KCNQ1: variants seen among roughly 807,000 people sequenced by gnomAD.
KCNQ1 encodes the protein potassium voltage-gated channel subfamily Q member 1, also known as potassium voltage-gated channel subfamily KQT member 1.
Under a neutral mutation model 72.4 loss-of-function variants are expected in KCNQ1, and 49 were observed. The observed-to-expected ratio is 0.68, with a 90% CI of 0.54 to 0.86. KCNQ1 has a LOEUF of 0.86. KCNQ1 is among the 40% of genes least tolerant of loss of function. KCNQ1 has a pLI of 0.00. For synonymous variants in KCNQ1, 450 were observed against 412.6 expected (o/e 1.09, Z -1.10); for missense variants, 790 against 945.1 (o/e 0.84, Z 2.15).
chr11:2,520,222 C>CT (rs1564804776), intron 1 of KCNQ1, among the ~76,000 whole-genome samples: 1 of 152,240 alleles, frequency 6.6e-6, no homozygotes, highest in Non-Finnish European at 1.5e-5. Flanking sequence ...CAGGGGGCTT[C>CT]TGGGGGGCAG....
chr11:2,614,949 A>G, intron 10 of KCNQ1: 1 of 398,468 alleles, frequency 2.5e-6, no homozygotes, highest in Non-Finnish European at 4.4e-6. Context: ...TGGGATTTTG[A>G]TAAGGGTTGC....
chr11:2,809,080 G>A lies in KCNQ1; in HGVS notation c.1794+31043G>A, dbSNP rs188863396. Among the ~76,000 whole-genome samples, 175 of 152,172 alleles carry A rather than the reference G, an allele frequency of 1.2e-3. No homozygotes were observed. Among genetic ancestry groups the A allele is most frequent in the African/African-American group, 3.5e-3 (147 of 41,498 alleles). ...AGGTGGGTGGGTAGGTGGGTGGCCA[G>A]ACAATGGATGTGTGAGTGAGTAGAT... On this transcript the variant is annotated intron_variant, in intron 15 of 15. Transcript: ENST00000155840. The surrounding 1 kb of genome is among the most constrained non-coding windows in gnomAD (Gnocchi z 7.1).
At position 2,535,652 on chromosome 11, in the gene KCNQ1, G is replaced by C. The variant is rs907455998; in HGVS notation, c.477+7634G>C. Among the ~76,000 whole-genome samples the C allele has an allele frequency of 2.0e-5, 3 of 152,204 alleles. No homozygotes were observed. In the South Asian group the frequency reaches 6.2e-4, roughly 31 times the overall value. On this transcript the variant is annotated intron_variant, in intron 2 of 15. Coordinates refer to ENST00000155840, the MANE Select transcript of KCNQ1 (RefSeq NM_000218.3). ...GAGCCCTGTGGCGTCTCTCTCATGC[G>C]CTGGCCGTAGAGCTTCCTGAAAGCA...
chr11:2,453,112 G>A (rs991823693), intron 1 of KCNQ1, among the ~76,000 whole-genome samples: 1 of 152,230 alleles, frequency 6.6e-6, no homozygotes, highest in African/African-American at 2.4e-5. Flanking sequence ...GGTGGCTCAC[G>A]CCTGTAATCC....
At chr11:2,779,543 C>T (rs1846779810) in intron 15 of KCNQ1, among the ~76,000 whole-genome samples, 1 of 152,120 alleles carries the variant, frequency 6.6e-6, no homozygotes, top group South Asian at 2.1e-4. Context: ...ACAGCACAGG[C>T]TGGGGACAGC....
chr11:2,702,965 C>G (rs1052443394), intron 11 of KCNQ1, among the ~76,000 whole-genome samples: 1 of 152,224 alleles, frequency 6.6e-6, no homozygotes, highest in Non-Finnish European at 1.5e-5. Context: ...CCCGCCTCCT[C>G]TAGTCCTTTG....
intron 11 of KCNQ1, among the ~76,000 whole-genome samples, chr11:2,756,589 G>T (rs1846302197): frequency 6.6e-6 from 1 of 152,042 alleles, no homozygotes; most frequent in Non-Finnish European, 1.5e-5. Context: ...GGGTGGAGCT[G>T]TCAGGGTCCA....
At position 2,579,167 on chromosome 11, in the gene KCNQ1, C is replaced by G. The variant is rs1022710277; in HGVS notation, c.922-4268C>G. Among the ~76,000 whole-genome samples, 2 of 152,170 alleles carry G rather than the reference C, an allele frequency of 1.3e-5. No individual in the cohort carries two copies. The highest frequency in any genetic ancestry group is 2.9e-5 in the Non-Finnish European group (2 of 68,012). On this transcript the variant is annotated intron_variant, in intron 6 of 15. Transcript: ENST00000155840. This position sits in a 1 kb window ranked among gnomAD's most constrained non-coding sequence, Gnocchi z 6.0. ...TGCGGCTGGAGCTCAGGTTTCTGGGCTGGCCTCTGTCCTCCCCTCGAGGCC... is the reference window on the plus strand; with the variant it reads ...TGCGGCTGGAGCTCAGGTTTCTGGGGTGGCCTCTGTCCTCCCCTCGAGGCC...
At chr11:2,701,853 G>A (rs1430280064) in intron 11 of KCNQ1, among the ~76,000 whole-genome samples, 1 of 152,244 alleles carries the variant, frequency 6.6e-6, no homozygotes, top group Non-Finnish European at 1.5e-5. Flanking sequence ...ACTCTGCAAT[G>A]CAGAGATACC....
At position 2,524,706 on chromosome 11, in the gene KCNQ1, G is replaced by A. The variant is rs372771952; in HGVS notation, c.387-3222G>A. On this transcript the variant is annotated intron_variant, in intron 1 of 15. Coordinates refer to ENST00000155840, the MANE Select transcript of KCNQ1 (RefSeq NM_000218.3). ...TTATCCAAGGCCTCAGGGTGAAGTC[G>A]ACGCTCGCTGCTGATTCCCTGCTGG... 4.1e-4 allele frequency among the ~76,000 whole-genome samples: 62 copies of A among 152,314 alleles called. 1 individual carries two copies. In the South Asian group the frequency reaches 0.012, roughly 30 times the overall value.
intron 2 of KCNQ1, among the ~76,000 whole-genome samples, chr11:2,535,513 CG>C (rs1367296253): frequency 6.6e-6 from 1 of 152,142 alleles, no homozygotes; most frequent in Non-Finnish European, 1.5e-5. Flanking sequence ...TGAGGACCAC[CG>C]GATACAAGTC....
chr11:2,798,185 C>G (rs1000086854), intron 15 of KCNQ1, among the ~76,000 whole-genome samples: 1 of 152,224 alleles, frequency 6.6e-6, no homozygotes, highest in Non-Finnish European at 1.5e-5. Flanking sequence ...ACATGGCAGC[C>G]CAGGGCCCAG....
At chr11:2,517,988 C>G (rs1243697473) in intron 1 of KCNQ1, among the ~76,000 whole-genome samples, 2 of 152,272 alleles carry the variant, frequency 1.3e-5, no homozygotes, top group Admixed American at 6.5e-5. Context: ...GAGCCTAACT[C>G]ACTTCCAGAT....
intron 15 of KCNQ1, among the ~76,000 whole-genome samples, chr11:2,804,777 C>T (rs1450910286): frequency 6.6e-6 from 1 of 152,156 alleles, no homozygotes; most frequent in Non-Finnish European, 1.5e-5. Flanking sequence ...CCACACCCAG[C>T]GTCTGGAGCT....
intron 6 of KCNQ1, among the ~76,000 whole-genome samples, chr11:2,577,558 G>A (rs188120213): frequency 2.6e-5 from 4 of 152,348 alleles, no homozygotes; most frequent in Admixed American, 6.5e-5. Flanking sequence ...GACTCCATGT[G>A]ACGGGGAGGC....
At chr11:2,553,881 A>G (rs906551083) in intron 2 of KCNQ1, among the ~76,000 whole-genome samples, 3 of 151,890 alleles carry the variant, frequency 2.0e-5, no homozygotes, top group Non-Finnish European at 4.4e-5. Context: ...ACACCCAGCT[A>G]ATTTTTGTAT....
chr11:2,616,328 T>C (rs2133797560), intron 10 of KCNQ1: 1 of 397,984 alleles, frequency 2.5e-6, no homozygotes, highest in Non-Finnish European at 4.4e-6. Flanking sequence ...TTTGATCTTT[T>C]CAAAAACAAG....
In KCNQ1 at chr11:2,620,224, A is replaced by AT. The variant is rs1346302503; in HGVS notation, c.1393+31380dup. Reference sequence around the variant, plus strand: ...GTATATATATATATTTTTTTTTTTTATTTTTTTTTTAGACGGAGTTTCGCT... The same window carrying AT: ...GTATATATATATATTTTTTTTTTTTATTTTTTTTTTTAGACGGAGTTTCGCT... On this transcript the variant is annotated intron_variant, in intron 10 of 15. Transcript: ENST00000155840. This position sits in a 1 kb window ranked among gnomAD's most constrained non-coding sequence, Gnocchi z 4.5. 636 of 224,934 alleles carry AT rather than the reference A, an allele frequency of 2.8e-3. 1 individual carries two copies. Among genetic ancestry groups the AT allele is most frequent in the Middle Eastern group, 4.5e-3 (3 of 674 alleles). 13.9% of individuals were successfully genotyped at this position (224,934 alleles called of 1,614,324 possible).
At position 2,769,830 on chromosome 11, in the gene KCNQ1, C is replaced by T. The variant is rs1425057305; in HGVS notation, c.1590+911C>T. ...CAGGGTGGGGCTTCTGAGCTGGGGG[C>T]CCCTGGCACCTCAGCCACAGCCTCA... On this transcript the variant is annotated intron_variant, in intron 12 of 15. Transcript: ENST00000155840. This position sits in a 1 kb window ranked among gnomAD's most constrained non-coding sequence, Gnocchi z 4.6. Among the ~76,000 whole-genome samples the T allele has an allele frequency of 6.6e-6, 1 of 152,036 alleles. No homozygotes were observed. The highest frequency in any genetic ancestry group is 1.9e-4 in the East Asian group (1 of 5,176).
Sources: gnomAD v4.1 joint callset for allele counts (sites outside exome capture counted in the v4.1 genomes callset) on GRCh38, gnomAD v4.1.1 for gene constraint, Gnocchi (gnomAD v3.1) non-coding constraint, MANE v1.5 for transcripts, NCBI Gene and HGNC (gene_info 2026-07-23, HGNC 2026-07-21) for gene names.